Variants in ADGB observed in about 807,000 individuals in gnomAD.
The protein encoded by ADGB is androglobin.
A neutral mutation model predicts 210.5 loss-of-function variants in ADGB; 172 were observed. The ratio of observed to expected loss-of-function variants is 0.82; its 90% CI spans 0.72 to 0.93. The LOEUF (loss-of-function observed/expected upper bound fraction) is 0.93, where lower values mean the gene tolerates loss of function less well. ADGB is among the 40% of genes least tolerant of loss of function. The pLI is 0.00. For synonymous variants in ADGB, 658 were observed against 662.7 expected (o/e 0.99, Z 0.11); for missense variants, 2,025 against 1,964.8 (o/e 1.03, Z -0.58).
chr6:146,657,251 G>A (rs768630400), intron 5 of ADGB, among the ~76,000 whole-genome samples: 4 of 151,564 alleles, frequency 2.6e-5, no homozygotes, highest in Non-Finnish European at 4.4e-5. Context: ...GCTTGAACCC[G>A]GGAGGCAGAG....
rs1400356959 is a variant in ADGB at position 146,779,569 on chromosome 6, G to T, written c.3863-2451G>T. Among the ~76,000 whole-genome samples the T allele has an allele frequency of 2.6e-5, 4 of 152,036 alleles. No homozygotes were observed. In the East Asian group the frequency reaches 7.7e-4, roughly 29 times the overall value. ...GAATCTTAAAAGCAGAAAGGGAGAA[G>T]TGGCTCATCACATACAAGTGATTCT... On this transcript the variant is annotated intron_variant, in intron 29 of 35. Coordinates refer to ENST00000397944, the MANE Select transcript of ADGB (RefSeq NM_024694.4).
At chr6:146,716,363 G>T (rs893284793) in intron 14 of ADGB, among the ~76,000 whole-genome samples, 2 of 127,740 alleles carry the variant, frequency 1.6e-5, no homozygotes, top group Non-Finnish European at 3.0e-5. Context: ...AGGCCGAGGC[G>T]GGTGGATCAT....
At chr6:146,635,301 T>C in intron 1 of ADGB, 74 bp from the exon 2 acceptor site, 1 of 1,265,472 alleles carries the variant, frequency 7.9e-7, no homozygotes, top group Non-Finnish European at 1.0e-6. Flanking sequence ...AAATTTATGT[T>C]ATGCAGTTAA....
At chr6:146,707,645 T>C (rs910939631) in intron 13 of ADGB, among the ~76,000 whole-genome samples, 7 of 152,158 alleles carry the variant, frequency 4.6e-5, no homozygotes, top group African/African-American at 1.7e-4. Flanking sequence ...TTGATATAAA[T>C]ATAGCTATCC....
intron 3 of ADGB, among the ~76,000 whole-genome samples, chr6:146,652,923 C>A (rs1171381098): frequency 1.3e-5 from 2 of 152,036 alleles, no homozygotes; most frequent in Non-Finnish European, 2.9e-5. Context: ...GTCCATGGAC[C>A]AGTACCAATC....
At chr6:146,672,978 G>A (rs1375828546) in intron 8 of ADGB, among the ~76,000 whole-genome samples, 9 of 151,970 alleles carry the variant, frequency 5.9e-5, no homozygotes, top group South Asian at 2.1e-4. Flanking sequence ...TGATCCACCC[G>A]CCTCAGCATC....
chr6:146,727,163 T>A (rs1776906791), intron 19 of ADGB, among the ~76,000 whole-genome samples: 1 of 147,642 alleles, frequency 6.8e-6, no homozygotes, highest in South Asian at 2.1e-4. Context: ...TTCTCAGCTC[T>A]AACCCTTTCC....
At chr6:146,642,964 C>G (rs957881816) in intron 2 of ADGB, among the ~76,000 whole-genome samples, 9 of 151,646 alleles carry the variant, frequency 5.9e-5, no homozygotes, top group Non-Finnish European at 5.9e-5. Flanking sequence ...CAGAATCAAG[C>G]GACTGAAAAC....
chr6:146,680,622 G>A lies in ADGB; in HGVS notation c.1216+4181G>A, dbSNP rs532576322. 2.0e-5 allele frequency among the ~76,000 whole-genome samples: 3 copies of A among 152,182 alleles called. No homozygotes were observed. In the South Asian group the frequency reaches 6.2e-4, roughly 32 times the overall value. On this transcript the variant is annotated intron_variant, in intron 9 of 35. Coordinates refer to ENST00000397944, the MANE Select transcript of ADGB (RefSeq NM_024694.4). ...AATATTTGGTAAAACTGGAACCTGC[G>A]ACAATTTAGAAGTTAGCCATGTACT...
At chr6:146,717,346 G>A (rs1776751011) in intron 15 of ADGB, among the ~76,000 whole-genome samples, 190 bp from the exon 16 acceptor site, 1 of 152,022 alleles carries the variant, frequency 6.6e-6, no homozygotes, top group Non-Finnish European at 1.5e-5. Flanking sequence ...TTCCTCAAAG[G>A]CTTGTTTCTT....
intron 4 of ADGB, among the ~76,000 whole-genome samples, chr6:146,654,461 C>T (rs1002722144): frequency 1.3e-5 from 2 of 151,952 alleles, no homozygotes. Context: ...AAAAATGATC[C>T]TCCCACCTCA....
chr6:146,752,756 G>A, intron 27 of ADGB, 42 bp downstream of exon 27: 7 of 1,425,422 alleles, frequency 4.9e-6, no homozygotes, highest in East Asian at 2.6e-5. Flanking sequence ...ATTCATAAAT[G>A]GATATTTATG....
At chr6:146,646,089 T>C (rs1211135347) in intron 3 of ADGB, among the ~76,000 whole-genome samples, 1 of 152,130 alleles carries the variant, frequency 6.6e-6, no homozygotes, top group African/African-American at 2.4e-5. Flanking sequence ...GATGATGTTG[T>C]AAATTTGGAT....
At chr6:146,736,443 T>C (rs1777079762) in intron 22 of ADGB, 55 bp from the exon 23 acceptor site, 1 of 1,149,528 alleles carries the variant, frequency 8.7e-7, no homozygotes, top group South Asian at 1.6e-5. Flanking sequence ...TTGGACAAGA[T>C]GATCTTTCAG....
At chr6:146,631,595 T>G (rs1471630199) in intron 1 of ADGB, among the ~76,000 whole-genome samples, 2 of 152,132 alleles carry the variant, frequency 1.3e-5, no homozygotes, top group Non-Finnish European at 2.9e-5. Flanking sequence ...TTCATATAAA[T>G]AGATGATAGA....
At chr6:146,814,891 T>C (rs1778359987) in intron 35 of ADGB, 141 bp from the exon 36 acceptor site, 5 of 728,678 alleles carry the variant, frequency 6.9e-6, no homozygotes, top group Non-Finnish European at 1.1e-5. Context: ...GTTGAGACCA[T>C]ACACTAATTT....
chr6:146,620,584 G>A (rs1161038939), intron 1 of ADGB, among the ~76,000 whole-genome samples: 5 of 151,448 alleles, frequency 3.3e-5, no homozygotes, highest in African/African-American at 1.2e-4. Context: ...GCTTTCTAAT[G>A]ATTTTTTTCA....
chr6:146,653,788 C>G (rs1358170272), intron 3 of ADGB, among the ~76,000 whole-genome samples: 3 of 152,030 alleles, frequency 2.0e-5, no homozygotes, highest in Non-Finnish European at 4.4e-5. Flanking sequence ...GTATTTTACT[C>G]CTATAGTAAA....
chr6:146,785,807 G>A, intron 32 of ADGB, 95 bp downstream of exon 32: 1 of 907,854 alleles, frequency 1.1e-6, no homozygotes, highest in South Asian at 1.7e-5. Flanking sequence ...TGGTGAAAAG[G>A]AGACATTTCA....
Sources: allele counts gnomAD v4.1 joint callset (sites outside exome capture counted in the v4.1 genomes callset), GRCh38; gene constraint gnomAD v4.1.1; transcripts MANE v1.5; gene names NCBI Gene and HGNC (gene_info 2026-07-23, HGNC 2026-07-21).